Variants in PPARGC1A observed in about 807,000 individuals in gnomAD.
The protein encoded by PPARGC1A is PPARG coactivator 1 alpha.
A neutral mutation model predicts 88.7 loss-of-function variants in PPARGC1A; 25 were observed. That is an observed-to-expected ratio of 0.28 (90% CI 0.21 to 0.39). The LOEUF is 0.39. Ranked by LOEUF, PPARGC1A falls within the 10% of genes least tolerant of loss-of-function variation. The pLI is 1.00. For missense variants in PPARGC1A, 880 were observed against 968.7 expected (o/e 0.91, Z 1.22); for synonymous variants, 363 against 355.6 (o/e 1.02, Z -0.24).
At chr4:24,370,938 C>T in the PPARGC1A span, among the ~76,000 whole-genome samples, 2 of 151,818 alleles carry the variant, frequency 1.3e-5, no homozygotes, top group Non-Finnish European at 2.9e-5. Flanking sequence ...CCTTGCCCCT[C>T]ACTCCCGAAA....
At chr4:24,309,227 TAG>T in the PPARGC1A span, among the ~76,000 whole-genome samples, 6 of 152,088 alleles carry the variant, frequency 3.9e-5, no homozygotes, top group South Asian at 1.2e-3. Flanking sequence ...GGTGATGAGA[TAG>T]AAAGTAACTC....
chr4:23,820,447 G>T (rs989297562), intron 7 of PPARGC1A: 1 of 211,944 alleles, frequency 4.7e-6, no homozygotes, highest in Non-Finnish European at 9.9e-6. Context: ...AAATTCCTTC[G>T]TGTCTGTGGT....
the PPARGC1A span, among the ~76,000 whole-genome samples, chr4:24,466,052 G>C: frequency 6.6e-6 from 1 of 152,034 alleles, no homozygotes; most frequent in Admixed American, 6.6e-5. Context: ...ATGTACATTT[G>C]GAATGAGTGC....
At chr4:23,814,756 G>T (rs1560356651) in intron 7 of PPARGC1A, 151 bp from the exon 8 acceptor site, 1 of 756,122 alleles carries the variant, frequency 1.3e-6, no homozygotes, top group Non-Finnish European at 2.0e-6. Context: ...CTAATTTCAT[G>T]ACAAGGCCTG....
chr4:24,177,492 G>C, the PPARGC1A span, among the ~76,000 whole-genome samples: 1 of 151,898 alleles, frequency 6.6e-6, no homozygotes, highest in Non-Finnish European at 1.5e-5. Context: ...GGGAGGGATA[G>C]CATTAGGAGA....
the PPARGC1A span, among the ~76,000 whole-genome samples, chr4:24,265,222 A>G: frequency 6.6e-6 from 1 of 152,202 alleles, no homozygotes; most frequent in Non-Finnish European, 1.5e-5. Context: ...TTGAAAAGGC[A>G]GACTTGGGCG....
chr4:23,853,815 A>G (rs1240564669), intron 2 of PPARGC1A, among the ~76,000 whole-genome samples: 1 of 152,222 alleles, frequency 6.6e-6, no homozygotes, highest in East Asian at 1.9e-4. Context: ...CAAGACATCT[A>G]GAGAAGACAA....
chr4:24,339,223 T>G, the PPARGC1A span, among the ~76,000 whole-genome samples: 1 of 72,408 alleles, frequency 1.4e-5, no homozygotes, highest in Non-Finnish European at 3.0e-5. Context: ...TATATATATA[T>G]ATATATATAT....
At chr4:24,135,282 G>C in the PPARGC1A span, among the ~76,000 whole-genome samples, 1 of 152,078 alleles carries the variant, frequency 6.6e-6, no homozygotes, top group East Asian at 1.9e-4. Context: ...TGTAGGAGGG[G>C]AGAAAATAAA....
the PPARGC1A span, among the ~76,000 whole-genome samples, chr4:24,418,821 C>A: frequency 6.6e-6 from 1 of 152,190 alleles, no homozygotes; most frequent in Non-Finnish European, 1.5e-5. Flanking sequence ...CACTTAACAG[C>A]AAATTTAATT....
At chr4:23,812,114 C>T (rs1577361966) in intron 10 of PPARGC1A, among the ~76,000 whole-genome samples, 1 of 151,472 alleles carries the variant, frequency 6.6e-6, no homozygotes, top group South Asian at 2.1e-4. Context: ...GACAGGGTTT[C>T]CTGTCTCCTA....
At chr4:24,410,053 C>T in the PPARGC1A span, among the ~76,000 whole-genome samples, 5 of 152,186 alleles carry the variant, frequency 3.3e-5, no homozygotes, top group African/African-American at 9.7e-5. Flanking sequence ...TACAATTCTA[C>T]GTACAGCTCT....
At chr4:23,894,991 C>A (rs148558654), upstream of PPARGC1A, among the ~76,000 whole-genome samples, 4 of 151,686 alleles carry the variant, frequency 2.6e-5, no homozygotes, top group African/African-American at 7.3e-5. Context: ...TGGAACTGAA[C>A]AAGGCATATT....
chr4:24,400,725 T>C, the PPARGC1A span, among the ~76,000 whole-genome samples: 1 of 152,172 alleles, frequency 6.6e-6, no homozygotes, highest in African/African-American at 2.4e-5. Context: ...TTTAATGAGC[T>C]GGCCCAGTCA....
At chr4:23,975,163 G>A in the PPARGC1A span, among the ~76,000 whole-genome samples, 1 of 152,182 alleles carries the variant, frequency 6.6e-6, no homozygotes, top group East Asian at 1.9e-4. Context: ...TCTGTAAAAT[G>A]GGGGAATTGA....
the PPARGC1A span, among the ~76,000 whole-genome samples, chr4:23,996,555 G>T: frequency 6.6e-6 from 1 of 152,058 alleles, no homozygotes; most frequent in Non-Finnish European, 1.5e-5. Context: ...TTCTTCCTCT[G>T]CTACGTACTT....
intron 10 of PPARGC1A, among the ~76,000 whole-genome samples, chr4:23,811,353 G>A (rs1311490277): frequency 6.6e-6 from 1 of 152,100 alleles, no homozygotes; most frequent in Non-Finnish European, 1.5e-5. Flanking sequence ...CTAAGCCTTG[G>A]CTAGCTTAGA....
At position 23,793,926 on chromosome 4, in the gene PPARGC1A, A is replaced by G. The variant is rs1717079056; in HGVS notation, c.*1896T>C. On this transcript the variant is annotated 3_prime_UTR_variant, in exon 13 of 13. Transcript: ENST00000264867. ...TTATTTTCATCATCTCATAATTTAT[A>G]ATAAATAGGCTATCTGCAACTGATA... 1 of 152,606 alleles carries G rather than the reference A, an allele frequency of 6.6e-6. No homozygotes were observed. Among genetic ancestry groups the G allele is most frequent in the Non-Finnish European group, 1.5e-5 (1 of 68,022 alleles). 9.5% of individuals were successfully genotyped at this position (152,606 alleles called of 1,614,324 possible). A position where few individuals can be genotyped will look rare whatever the true frequency, so the allele number is the denominator to read the frequency against.
At chr4:23,909,334 C>T in the PPARGC1A span, among the ~76,000 whole-genome samples, 1 of 152,112 alleles carries the variant, frequency 6.6e-6, no homozygotes, top group Non-Finnish European at 1.5e-5. Context: ...GGAAAAATGA[C>T]TGGTGCCCTA....
Sources: allele counts gnomAD v4.1 joint callset (sites outside exome capture counted in the v4.1 genomes callset), GRCh38; gene constraint gnomAD v4.1.1; transcripts MANE v1.5; gene names NCBI Gene and HGNC (gene_info 2026-07-23, HGNC 2026-07-21).